MAEA: variants seen among roughly 807,000 people sequenced by gnomAD.
MAEA encodes macrophage erythroblast attacher, E3 ubiquitin ligase, also known as E3 ubiquitin-protein transferase MAEA.
In MAEA, 22 loss-of-function variants were observed where a neutral mutation model predicts 46.2. That is an observed-to-expected ratio of 0.48 (90% CI 0.34 to 0.68). The LOEUF is 0.68. Among genes scored for constraint, MAEA ranks in the 30% least tolerant of loss-of-function variants. The probability of loss-of-function intolerance (pLI) is 0.01; values close to 1 mark genes in which losing one functional copy is unlikely to be tolerated. For missense variants in MAEA, 393 were observed against 558.1 expected, an observed-to-expected ratio of 0.70 and a Z score of 2.98; for synonymous variants, 246 against 222.6, an observed-to-expected ratio of 1.11 and a Z score of -0.94.
At chr4:1,318,477 C>T (rs969397446) in intron 3 of MAEA, among the ~76,000 whole-genome samples, 1 of 152,144 alleles carries the variant, frequency 6.6e-6, no homozygotes, top group African/African-American at 2.4e-5. Context: ...GGGCTACACT[C>T]AAGGTGTTGG....
chr4:1,328,753 C>T (rs1448086152), intron 5 of MAEA: 8 of 1,196,026 alleles, frequency 6.7e-6, no homozygotes, highest in Non-Finnish European at 8.5e-6. Context: ...CCTGCCCTTG[C>T]GTGGACCCTG....
In MAEA at chr4:1,311,678, G is replaced by T. The variant is rs1298563716; in HGVS notation, c.70-301G>T. ...ACCCCGGTCACTCCTCTCCTGTTTGGAAATTTCTTTAACTGTTCGTTATTC... is the reference window on the plus strand; with the variant it reads ...ACCCCGGTCACTCCTCTCCTGTTTGTAAATTTCTTTAACTGTTCGTTATTC... On this transcript the variant is annotated intron_variant, in intron 1 of 8. Coordinates refer to ENST00000303400, the MANE Select transcript of MAEA (RefSeq NM_001017405.3). The surrounding 1 kb of genome is among the most constrained non-coding windows in gnomAD (Gnocchi z 4.4). Among the ~76,000 whole-genome samples, 1 of 152,182 alleles carries T rather than the reference G, an allele frequency of 6.6e-6. No homozygotes were observed. The highest frequency in any genetic ancestry group is 1.9e-4 in the East Asian group (1 of 5,194).
chr4:1,291,666 G>A (rs1734121811), intron 1 of MAEA, among the ~76,000 whole-genome samples: 1 of 152,158 alleles, frequency 6.6e-6, no homozygotes, highest in Non-Finnish European at 1.5e-5. Flanking sequence ...GGTGAATGTG[G>A]GAAACACTAG....
chr4:1,290,897 G>C (rs1338252088), intron 1 of MAEA, among the ~76,000 whole-genome samples: 1 of 152,224 alleles, frequency 6.6e-6, no homozygotes, highest in Non-Finnish European at 1.5e-5. Flanking sequence ...GCTGGGGTGT[G>C]AATCAGGCTT....
At chr4:1,297,971 A>C in intron 1 of MAEA, 1 of 456,054 alleles carries the variant, frequency 2.2e-6, no homozygotes, top group Non-Finnish European at 4.4e-6. Context: ...TCCAGCATGG[A>C]AACCCCGCTG....
At chr4:1,325,953 G>T (rs368510445) in intron 4 of MAEA, among the ~76,000 whole-genome samples, 8 of 152,152 alleles carry the variant, frequency 5.3e-5, no homozygotes, top group African/African-American at 1.9e-4. Context: ...TGACCCGTCT[G>T]TCTAGGGACA....
chr4:1,322,267 C>T, intron 3 of MAEA, 114 bp from the exon 4 acceptor site: 1 of 1,404,064 alleles, frequency 7.1e-7, no homozygotes, highest in Non-Finnish European at 9.8e-7. Context: ...ACTGGAGATG[C>T]ATCTCGAGTG....
Position 1,311,935 on chromosome 4 carries a change from C to A in MAEA, c.70-44C>A. ...TCCTGGGTGTGGGGCTGGTGGGGCT[C>A]ACACCAGGGGAGCAGATCCCTCACC... On this transcript the variant is annotated intron_variant, in intron 1 of 8. Transcript: ENST00000303400. The surrounding 1 kb of genome is among the most constrained non-coding windows in gnomAD (Gnocchi z 4.4). The A allele has an allele frequency of 6.4e-7, 1 of 1,562,454 alleles. No individual in the cohort carries two copies. Among genetic ancestry groups the A allele is most frequent in the Non-Finnish European group, 8.7e-7 (1 of 1,144,162 alleles).
chr4:1,310,019 C>T (rs768534259), intron 1 of MAEA: 7 of 1,191,624 alleles, frequency 5.9e-6, no homozygotes, highest in Non-Finnish European at 7.3e-6. Context: ...TGTGTGGGTT[C>T]CTCCGCGCGA....
At position 1,339,970 on chromosome 4, in the gene MAEA, TC is replaced by T. The variant is rs1203747998; in HGVS notation, c.*802del. 6.6e-6 allele frequency: 1 copy of T among 152,648 alleles called. No homozygotes were observed. Among genetic ancestry groups the T allele is most frequent in the East Asian group, 1.9e-4 (1 of 5,196 alleles). 9.5% of individuals were successfully genotyped at this position (152,648 alleles called of 1,614,324 possible). On this transcript the variant is annotated 3_prime_UTR_variant, in exon 9 of 9. Coordinates refer to ENST00000303400, the MANE Select transcript of MAEA (RefSeq NM_001017405.3). ...GCTATCCATTACAGAAATTAATCGT[TC>T]AGTTGAAAGAAGTACTGATGACTTT... is the stretch of plus-strand genomic sequence containing the variant.
chr4:1,302,968 T>C (rs751718487), intron 1 of MAEA, among the ~76,000 whole-genome samples: 9 of 151,906 alleles, frequency 5.9e-5, no homozygotes, highest in Non-Finnish European at 7.4e-5. Context: ...TGTGGGGAAT[T>C]GAAATCCTCA....
At chr4:1,316,865 C>G (rs987325212) in intron 3 of MAEA, among the ~76,000 whole-genome samples, 1 of 151,998 alleles carries the variant, frequency 6.6e-6, no homozygotes. Context: ...GCAGCCTCCC[C>G]CACACTCCTG....
At chr4:1,295,044 A>C (rs1195107009) in intron 1 of MAEA, among the ~76,000 whole-genome samples, 2 of 152,096 alleles carry the variant, frequency 1.3e-5, no homozygotes, top group East Asian at 1.9e-4. Flanking sequence ...GGTGCTGGGC[A>C]GTGACTCGGT....
rs553947259 is a variant in MAEA at position 1,292,902 on chromosome 4, T to C, written c.69+2920T>C. 8.0e-3 allele frequency among the ~76,000 whole-genome samples: 1,197 copies of C among 150,360 alleles called. 7 individuals carry two copies. The highest frequency in any genetic ancestry group is 0.013 in the Non-Finnish European group (900 of 67,440). The stretch of plus-strand genomic sequence containing the variant: ...ACTCACCATCTTTTTTTTTTTTTTT[T>C]TTCTTTTTTGAGACGGAGTCTCACT... On this transcript the variant is annotated intron_variant, in intron 1 of 8. Transcript: ENST00000303400.
At position 1,338,614 on chromosome 4, in the gene MAEA, C is replaced by A; in HGVS notation, c.1092C>A (p.Tyr364Ter). 6.2e-7 allele frequency: 1 copy of A among 1,604,746 alleles called. No individual in the cohort carries two copies. The highest frequency in any genetic ancestry group is 8.5e-7 in the Non-Finnish European group (1 of 1,176,180). Reference protein sequence around the residue: ...MMLPNGYVYGYNSLLSIRQDD... With the variant: ...MMLPNGYVYG Reference sequence around the variant, plus strand: ...TGCCCAACGGCTACGTCTACGGCTACAATGTGAGGGGGGCAGGGCAGGGGG... The same window carrying A: ...TGCCCAACGGCTACGTCTACGGCTAAAATGTGAGGGGGGCAGGGCAGGGGG... Residue 364 changes from tyrosine to a stop codon, truncating the protein, a stop_gained, in exon 8 of 9, where the codon TAC (tyrosine) becomes TAA (stop). Transcript: ENST00000303400. LOFTEE classifies it high-confidence loss of function.
chr4:1,313,876 C>T (rs1359886892), intron 2 of MAEA, among the ~76,000 whole-genome samples: 1 of 151,884 alleles, frequency 6.6e-6, no homozygotes, highest in South Asian at 2.1e-4. Flanking sequence ...AACCCCATCT[C>T]TACAAAAAAT....
chr4:1,317,573 C>T (rs1737455109), intron 3 of MAEA, among the ~76,000 whole-genome samples: 1 of 152,048 alleles, frequency 6.6e-6, no homozygotes, highest in Non-Finnish European at 1.5e-5. Context: ...TCCGTCCTGC[C>T]CTCCAGGAGG....
intron 5 of MAEA, chr4:1,329,832 A>G (rs1465526403): frequency 4.1e-6 from 4 of 985,300 alleles, no homozygotes; most frequent in East Asian, 1.1e-4. Flanking sequence ...GCCTGGCCAC[A>G]TGTCTCCTGA....
chr4:1,333,368 G>T (rs1013015142), intron 6 of MAEA, among the ~76,000 whole-genome samples: 2 of 151,902 alleles, frequency 1.3e-5, no homozygotes, highest in Non-Finnish European at 2.9e-5. Flanking sequence ...GTTGAGAAAG[G>T]TTCAGGAAGC....
Sources: gnomAD v4.1 joint callset for allele counts (sites outside exome capture counted in the v4.1 genomes callset) on GRCh38, gnomAD v4.1.1 for gene constraint, Gnocchi (gnomAD v3.1) non-coding constraint, MANE v1.5 for transcripts, NCBI Gene and HGNC (gene_info 2026-07-23, HGNC 2026-07-21) for gene names.